GAD1: variants seen among roughly 807,000 people sequenced by gnomAD.
GAD1 encodes the protein glutamate decarboxylase 1.
A neutral mutation model predicts 75.2 loss-of-function variants in GAD1; 35 were observed. The observed-to-expected ratio is 0.47, with a 90% CI of 0.36 to 0.62. The LOEUF (loss-of-function observed/expected upper bound fraction) is 0.62. Among genes scored for constraint, GAD1 ranks in the 20% least tolerant of loss-of-function variants. GAD1 has a pLI of 0.00. For missense variants in GAD1, 490 were observed against 758.5 expected, an observed-to-expected ratio of 0.65 and a Z score of 4.16; for synonymous variants, 257 against 271.9, an observed-to-expected ratio of 0.95 and a Z score of 0.54.
chr2:170,817,920 C>T, intron 1 of GAD1: 1 of 152,820 alleles, frequency 6.5e-6, no homozygotes, highest in Non-Finnish European at 1.5e-5. Flanking sequence ...TCTTCTCTGG[C>T]CAAGTCCGAG....
chr2:170,852,337 CA>C (rs1234979741), intron 12 of GAD1, among the ~76,000 whole-genome samples: 1 of 152,156 alleles, frequency 6.6e-6, no homozygotes, highest in Non-Finnish European at 1.5e-5. Flanking sequence ...AACTGAGGCA[CA>C]TAAGAGTTAT....
At position 170,822,087 on chromosome 2, in the gene GAD1, C is replaced by T; in HGVS notation, c.83C>T (p.Thr28Met). 1 of 1,608,678 alleles carries T rather than the reference C, an allele frequency of 6.2e-7. No individual in the cohort carries two copies. The highest frequency in any genetic ancestry group is 8.5e-7 in the Non-Finnish European group (1 of 1,177,824). ...CCTCTCTCCCTCTCTCTCGTCCTAGCGTACGATACCTGGTGCGGCGTGGCC... is the reference window on the plus strand; with the variant it reads ...CCTCTCTCCCTCTCTCTCGTCCTAGTGTACGATACCTGGTGCGGCGTGGCC... Reference protein sequence around the residue: ...DPNTTNLRPTTYDTWCGVAHG... With the variant: ...DPNTTNLRPTMYDTWCGVAHG... Residue 28 changes from threonine to methionine, a missense_variant and splice_region_variant, in exon 3 of 17, where the codon ACG (threonine) becomes ATG (methionine). Around this residue, in one of 3 missense-constraint regions of GAD1, gnomAD observed 165 missense variants for 216.4 expected, o/e 0.76. Coordinates refer to ENST00000358196, the MANE Select transcript of GAD1 (RefSeq NM_000817.3).
chr2:170,825,428 C>A (rs141737971), intron 3 of GAD1, among the ~76,000 whole-genome samples: 2 of 152,314 alleles, frequency 1.3e-5, no homozygotes, highest in East Asian at 3.9e-4. Context: ...AGAGCCCCTC[C>A]GTCTATGCAT....
intron 14 of GAD1, among the ~76,000 whole-genome samples, chr2:170,854,813 A>G (rs559804802): frequency 4.6e-5 from 7 of 152,336 alleles, no homozygotes; most frequent in African/African-American, 1.7e-4. Context: ...CATTCTGGAA[A>G]ATGTATACTT....
At chr2:170,832,680 A>ACACG (rs1188688355) in intron 5 of GAD1, among the ~76,000 whole-genome samples, 2 of 152,046 alleles carry the variant, frequency 1.3e-5, no homozygotes, top group African/African-American at 2.4e-5. Context: ...ACACACACAC[A>ACACG]CACACACACA....
intron 10 of GAD1, among the ~76,000 whole-genome samples, chr2:170,847,342 T>C (rs1335303353): frequency 6.6e-6 from 1 of 152,230 alleles, no homozygotes; most frequent in Non-Finnish European, 1.5e-5. Flanking sequence ...ACATACTGTA[T>C]ATTTTGCTTA....
In GAD1 at chr2:170,818,777, T is replaced by C. The variant is rs1701782030; in HGVS notation, c.82+104T>C. ...GGAAAGGGAAGGGGGAGCGCGGAGA[T>C]AATGGAGGCTGGGAAATAAATGGGG... On this transcript the variant is annotated intron_variant, in intron 2 of 16. Coordinates refer to ENST00000358196, the MANE Select transcript of GAD1 (RefSeq NM_000817.3). This position sits in a 1 kb window ranked among gnomAD's most constrained non-coding sequence, Gnocchi z 5.9. 1.8e-6 allele frequency: 2 copies of C among 1,101,032 alleles called. No homozygotes were observed. The highest frequency in any genetic ancestry group is 3.5e-5 in the Admixed American group (2 of 56,972). 68.2% of individuals were successfully genotyped at this position (1,101,032 alleles called of 1,614,324 possible).
intron 5 of GAD1, among the ~76,000 whole-genome samples, chr2:170,831,965 CAAAA>C (rs894174567): frequency 6.6e-6 from 1 of 150,864 alleles, no homozygotes; most frequent in Non-Finnish European, 1.5e-5. Context: ...GACCCTATCT[CAAAA>C]AAAAGAATTT....
At chr2:170,846,573 C>G (rs370081633) in intron 10 of GAD1, among the ~76,000 whole-genome samples, 1 of 152,340 alleles carries the variant, frequency 6.6e-6, no homozygotes, top group African/African-American at 2.4e-5. Flanking sequence ...TGTCAGGCCA[C>G]TTACCAACAC....
chr2:170,831,626 GTGTGTGTGTA>G (rs1468357878), intron 5 of GAD1, among the ~76,000 whole-genome samples: 7 of 141,928 alleles, frequency 4.9e-5, no homozygotes, highest in South Asian at 4.4e-4. Context: ...GTGTGTGTGT[GTGTGTGTGTA>G]TATACCTATT....
At chr2:170,828,140 C>A (rs556544369) in intron 3 of GAD1, among the ~76,000 whole-genome samples, 49 of 146,612 alleles carry the variant, frequency 3.3e-4, no homozygotes, top group African/African-American at 1.2e-3. Flanking sequence ...CCTCCCTCTG[C>A]TGTCCTCACC....
In GAD1 at chr2:170,831,281, A is replaced by G. The variant is rs992693353; in HGVS notation, c.547+89A>G. The G allele has an allele frequency of 2.7e-5, 38 of 1,432,198 alleles. No homozygotes were observed. The South Asian group carries it at 4.4e-4, about 16-fold the overall frequency. The allele number at this position is 1,432,198 out of a possible 1,614,324, so 88.7% of individuals were successfully genotyped here. On this transcript the variant is annotated intron_variant, in intron 5 of 16. Coordinates refer to ENST00000358196, the MANE Select transcript of GAD1 (RefSeq NM_000817.3). Reference sequence around the variant, plus strand: ...TGTGAGGATATCAAACTTGTGTTGGAAGAAAAACACAGCCCTGGTGAGATA... The same window carrying G: ...TGTGAGGATATCAAACTTGTGTTGGGAGAAAAACACAGCCCTGGTGAGATA...
Position 170,860,165 on chromosome 2 carries a change from G to A in GAD1, c.*283G>A, listed in dbSNP as rs951305218. The A allele has an allele frequency of 3.4e-5, 12 of 347,882 alleles. No individual in the cohort carries two copies. The highest frequency in any genetic ancestry group is 1.4e-4 in the South Asian group (4 of 29,262). 21.5% of individuals were successfully genotyped at this position (347,882 alleles called of 1,614,324 possible). A position where few individuals can be genotyped will look rare whatever the true frequency, so the allele number is the denominator to read the frequency against. ...TGAGTGTGGCTTAGTAATAGATCAC[G>A]GCATGTTTCCCGCTCCAAGAGAATT... is the stretch of plus-strand genomic sequence containing the variant. On this transcript the variant is annotated 3_prime_UTR_variant, in exon 17 of 17. Transcript: ENST00000358196.
intron 3 of GAD1, among the ~76,000 whole-genome samples, chr2:170,824,410 CA>C (rs1701975848): frequency 8.9e-6 from 1 of 112,976 alleles, no homozygotes; most frequent in African/African-American, 2.9e-5. Context: ...CACACACACA[CA>C]CACACACACC....
At chr2:170,830,925 C>T (rs369328264) in intron 4 of GAD1, 25 bp from the exon 5 acceptor site, 1 of 1,613,978 alleles carries the variant, frequency 6.2e-7, no homozygotes, top group African/African-American at 1.3e-5. Context: ...CAGGTGAAAA[C>T]CATTCATTGC....
chr2:170,846,138 A>G, intron 10 of GAD1, 75 bp downstream of exon 10: 1 of 1,178,166 alleles, frequency 8.5e-7, no homozygotes, highest in East Asian at 2.3e-5. Context: ...ACAGTCCTTG[A>G]TAATATGAGA....
At chr2:170,831,368 C>T (rs1702218516) in intron 5 of GAD1, among the ~76,000 whole-genome samples, 176 bp downstream of exon 5, 1 of 151,988 alleles carries the variant, frequency 6.6e-6, no homozygotes, top group South Asian at 2.1e-4. Flanking sequence ...GGTGGAGGGA[C>T]CCGACCCAGG....
chr2:170,822,266 T>C (rs1701907494), intron 3 of GAD1, 117 bp downstream of exon 3: 2 of 889,720 alleles, frequency 2.2e-6, no homozygotes, highest in East Asian at 5.3e-5. Context: ...GATTTTCTAA[T>C]GTAATTACAG....
intron 3 of GAD1, among the ~76,000 whole-genome samples, chr2:170,827,426 AAGG>A (rs1481341535): frequency 6.6e-5 from 10 of 152,328 alleles, no homozygotes; most frequent in South Asian, 2.1e-4. Flanking sequence ...GGCTGAATTG[AAGG>A]AGGAGAAGCC....
Sources: gnomAD v4.1 joint callset for allele counts (sites outside exome capture counted in the v4.1 genomes callset) on GRCh38, gnomAD v4.1.1 for gene constraint, gnomAD v4.1.1 regional missense constraint, Gnocchi (gnomAD v3.1) non-coding constraint, MANE v1.5 for transcripts, NCBI Gene and HGNC (gene_info 2026-07-23, HGNC 2026-07-21) for gene names.